AFAP1L1: variants seen among roughly 807,000 people sequenced by gnomAD.
AFAP1L1 encodes the protein actin filament-associated protein 1-like 1.
AFAP1L1 carries 77 observed loss-of-function variants against 99.8 expected under a neutral mutation model. The observed-to-expected ratio is 0.77, with a 90% CI of 0.64 to 0.93. The LOEUF is 0.93. Ranked by LOEUF, AFAP1L1 falls within the 40% of genes least tolerant of loss-of-function variation. The pLI is 0.00. For missense variants in AFAP1L1, 893 were observed against 996.8 expected, an observed-to-expected ratio of 0.90 and a Z score of 1.40; for synonymous variants, 373 against 395.3, an observed-to-expected ratio of 0.94 and a Z score of 0.67.
At chr5:149,276,160 GC>G (rs1755315081) in intron 1 of AFAP1L1, among the ~76,000 whole-genome samples, 1 of 152,146 alleles carries the variant, frequency 6.6e-6, no homozygotes, top group African/African-American at 2.4e-5. Context: ...CCTGTTTCAG[GC>G]CCCAGACATC....
chr5:149,329,581 G>A, intron 15 of AFAP1L1, 85 bp from the exon 16 acceptor site: 1 of 1,323,260 alleles, frequency 7.6e-7, no homozygotes, highest in Non-Finnish European at 1.0e-6. Flanking sequence ...TGGAGAAGTT[G>A]GGGCTGAAAG....
intron 5 of AFAP1L1, among the ~76,000 whole-genome samples, chr5:149,303,792 C>T (rs528408867): frequency 2.6e-5 from 4 of 152,198 alleles, no homozygotes; most frequent in Admixed American, 6.5e-5. Flanking sequence ...GTGAAGGGAA[C>T]GTATTTTTTT....
chr5:149,319,753 C>G, intron 13 of AFAP1L1, 26 bp downstream of exon 13: 1 of 1,608,836 alleles, frequency 6.2e-7, no homozygotes, highest in Non-Finnish European at 8.5e-7. Flanking sequence ...ACTGGCCACA[C>G]CTGCCCAGGA....
At chr5:149,300,463 T>TCGC in intron 3 of AFAP1L1, 109 bp downstream of exon 3, 1 of 944,952 alleles carries the variant, frequency 1.1e-6, no homozygotes, top group Non-Finnish European at 1.6e-6. Context: ...CATCATTAAG[T>TCGC]CGCTTTGGGC....
rs1756890754 is a variant in AFAP1L1, at chr5:149,319,464, C to T, written c.1480-118C>T. The T allele has an allele frequency of 7.6e-6, 9 of 1,183,026 alleles. 1 individual carries two copies. The South Asian group carries it at 9.3e-5, about 12-fold the overall frequency. The allele number at this position is 1,183,026 out of a possible 1,614,324, so 73.3% of individuals were successfully genotyped here. A position where few individuals can be genotyped will look rare whatever the true frequency, so the allele number is the denominator to read the frequency against. ...GCTATAATCTTATTCCTCTTTGACC[C>T]GAGTATCGGGTACGTAGTCAGTACT... On this transcript the variant is annotated intron_variant, in intron 12 of 18. Transcript: ENST00000296721.
intron 1 of AFAP1L1, among the ~76,000 whole-genome samples, chr5:149,297,247 A>T (rs1018760784): frequency 1.3e-5 from 2 of 152,154 alleles, no homozygotes; most frequent in Admixed American, 6.5e-5. Flanking sequence ...TGTTTATTTG[A>T]TATGGCAGGG....
At position 149,295,824 on chromosome 5, in the gene AFAP1L1, G is replaced by A. The variant is rs142153130; in HGVS notation, c.17-3685G>A. ...TTTGTAAGGTCCAGACAACTTCTGT[G>A]TAGTACTAAGACATTATATACCTTT... On this transcript the variant is annotated intron_variant, in intron 1 of 18. Transcript: ENST00000296721. 5.3e-5 allele frequency among the ~76,000 whole-genome samples: 8 copies of A among 152,342 alleles called. No individual in the cohort carries two copies. The East Asian group carries it at 1.2e-3, about 22-fold the overall frequency.
At chr5:149,302,600 C>A in intron 5 of AFAP1L1, 74 bp downstream of exon 5, 1 of 1,299,038 alleles carries the variant, frequency 7.7e-7, no homozygotes, top group Non-Finnish European at 1.1e-6. Context: ...CCTCTGTGTC[C>A]TGTGGGAGCT....
intron 1 of AFAP1L1, 26 bp downstream of exon 1, chr5:149,272,010 T>C (rs1755127140): frequency 1.6e-6 from 2 of 1,237,392 alleles, no homozygotes; most frequent in Non-Finnish European, 2.0e-6. Context: ...ACGCCCGCAC[T>C]TGTTGCGGCG....
At position 149,320,539 on chromosome 5, in the gene AFAP1L1, T is replaced by C; in HGVS notation, c.1698+76T>C. ...TCTCCCTCTTTCTGCTCCCTTTACC[T>C]TCTGCCTCAGAAAGATCATTTTCAT... is the stretch of plus-strand genomic sequence containing the variant. On this transcript the variant is annotated intron_variant, in intron 14 of 18. Transcript: ENST00000296721. The surrounding 1 kb of genome is among the most constrained non-coding windows in gnomAD (Gnocchi z 4.0). 1 of 1,344,010 alleles carries C rather than the reference T, an allele frequency of 7.4e-7. No homozygotes were observed. Among genetic ancestry groups the C allele is most frequent in the East Asian group, 2.3e-5 (1 of 43,260 alleles). 83.3% of individuals were successfully genotyped at this position (1,344,010 alleles called of 1,614,324 possible). A position where few individuals can be genotyped will look rare whatever the true frequency, so the allele number is the denominator to read the frequency against.
At chr5:149,282,989 C>T (rs1755567462) in intron 1 of AFAP1L1, among the ~76,000 whole-genome samples, 1 of 152,188 alleles carries the variant, frequency 6.6e-6, no homozygotes, top group Admixed American at 6.5e-5. Context: ...AATGAGAACA[C>T]TGAGCACAGC....
chr5:149,302,099 C>T (rs75714430), intron 4 of AFAP1L1, among the ~76,000 whole-genome samples: 423 of 152,226 alleles, frequency 2.8e-3, no homozygotes, highest in African/African-American at 9.5e-3. Flanking sequence ...TGTGTGTAGA[C>T]GTGGTTACAG....
At chr5:149,321,558 C>T (rs974492427) in intron 14 of AFAP1L1, among the ~76,000 whole-genome samples, 1 of 151,004 alleles carries the variant, frequency 6.6e-6, no homozygotes, top group Admixed American at 6.6e-5. Flanking sequence ...GAAACCTCGT[C>T]TCTACTTAAA....
intron 1 of AFAP1L1, among the ~76,000 whole-genome samples, chr5:149,279,828 G>T (rs1755458370): frequency 6.6e-6 from 1 of 152,122 alleles, no homozygotes; most frequent in Non-Finnish European, 1.5e-5. Flanking sequence ...CTCTTCCTTA[G>T]CTCACTGCTG....
At chr5:149,313,019 C>T (rs139435460) in intron 9 of AFAP1L1, among the ~76,000 whole-genome samples, 2,438 of 151,340 alleles carry the variant, frequency 0.016, 28 homozygotes, top group Non-Finnish European at 0.023. Flanking sequence ...CCCAGCTACT[C>T]AGGAGGCTGA....
At chr5:149,324,238 T>G (rs546949372) in intron 15 of AFAP1L1, among the ~76,000 whole-genome samples, 5 of 152,216 alleles carry the variant, frequency 3.3e-5, no homozygotes, top group Non-Finnish European at 7.3e-5. Context: ...TAACAGAAAT[T>G]TATTTCTCAT....
chr5:149,329,526 TA>T, intron 15 of AFAP1L1, 139 bp from the exon 16 acceptor site: 1 of 881,198 alleles, frequency 1.1e-6, no homozygotes, highest in Non-Finnish European at 1.7e-6. Context: ...GGATTCACAC[TA>T]AATATATCTA....
Position 149,273,189 on chromosome 5 carries a change from C to T in AFAP1L1, c.16+1205C>T, listed in dbSNP as rs776834982. On this transcript the variant is annotated intron_variant, in intron 1 of 18. Coordinates refer to ENST00000296721, the MANE Select transcript of AFAP1L1 (RefSeq NM_152406.4). ...CACAGGTGTGACGGCACTAGATAAA[C>T]TAGTGAGTGCTGTGCCAACAGGCGA... 7.2e-4 allele frequency among the ~76,000 whole-genome samples: 108 copies of T among 149,400 alleles called. 1 individual carries two copies. The highest frequency in any genetic ancestry group is 1.2e-3 in the Non-Finnish European group (82 of 67,566).
At chr5:149,275,247 A>G (rs73795960) in intron 1 of AFAP1L1, among the ~76,000 whole-genome samples, 2,266 of 152,290 alleles carry the variant, frequency 0.015, 62 homozygotes, top group African/African-American at 0.051. Flanking sequence ...AAGGGCTGCA[A>G]TAACAGAATA....
Sources: allele counts gnomAD v4.1 joint callset (sites outside exome capture counted in the v4.1 genomes callset), GRCh38; gene constraint gnomAD v4.1.1; non-coding constraint Gnocchi (gnomAD v3.1); transcripts MANE v1.5; gene names NCBI Gene and HGNC (gene_info 2026-07-23, HGNC 2026-07-21).